Variants in SUSD1 observed in about 807,000 individuals in gnomAD.
The protein encoded by SUSD1 is sushi domain-containing protein 1.
SUSD1 carries 65 observed loss-of-function variants against 86.9 expected under a neutral mutation model. The ratio of observed to expected loss-of-function variants is 0.75; its 90% confidence interval spans 0.61 to 0.92. The LOEUF (loss-of-function observed/expected upper bound fraction) is 0.92. Among genes scored for constraint, SUSD1 ranks in the 40% least tolerant of loss-of-function variants. The probability of loss-of-function intolerance (pLI) is 0.00; values close to 1 mark genes in which losing one functional copy is unlikely to be tolerated. For synonymous variants in SUSD1, 346 were observed against 350.0 expected, an observed-to-expected ratio of 0.99 and a Z score of 0.13; for missense variants, 850 against 929.7, an observed-to-expected ratio of 0.91 and a Z score of 1.11.
At position 112,143,543 on chromosome 9, in the gene SUSD1, A is replaced by G; in HGVS notation, c.454T>C (p.Cys152Arg). Residue 152 changes from cysteine (C) to arginine (R), a missense_variant, in exon 4 of 17, where the codon TGT becomes CGT. Coordinates refer to ENST00000374270, the MANE Select transcript of SUSD1 (RefSeq NM_022486.5). ...TTCCTTGGCAAGTATCCATCCATAC[A>G]GTAGCATTCAAAGCTCCCATGAGTG... ...VNTHGSFECY[C>R]MDGYLPRNGP... is the part of the protein sequence containing the mutation. 3 of 1,614,198 alleles carry G rather than the reference A, an allele frequency of 1.9e-6. No homozygotes were observed. Among genetic ancestry groups the G allele is most frequent in the South Asian group, 1.1e-5 (1 of 91,066 alleles).
At chr9:112,042,371 C>T (rs1405153246) in intron 15 of SUSD1, among the ~76,000 whole-genome samples, 1 of 152,132 alleles carries the variant, frequency 6.6e-6, no homozygotes, top group Non-Finnish European at 1.5e-5. Context: ...GTTTCCAAAA[C>T]TGATAGCCCT....
intron 11 of SUSD1, among the ~76,000 whole-genome samples, chr9:112,079,137 C>CCT (rs372661148): frequency 0.05 from 7,501 of 149,978 alleles, 246 homozygotes; most frequent in Middle Eastern, 0.083. Flanking sequence ...GAGCTTTCTT[C>CCT]CTCTCTCTCT....
At chr9:112,085,449 C>T (rs1006975990) in intron 10 of SUSD1, among the ~76,000 whole-genome samples, 1 of 152,150 alleles carries the variant, frequency 6.6e-6, no homozygotes, top group Non-Finnish European at 1.5e-5. Flanking sequence ...TTCCCATGTT[C>T]ACAGTTAAGG....
rs1247947602 is a variant in SUSD1, at chr9:112,133,580, AGACTT to A, written c.706+8735_706+8739del. 3.3e-5 allele frequency among the ~76,000 whole-genome samples: 5 copies of A among 152,382 alleles called. No individual in the cohort carries two copies. The East Asian group carries it at 7.7e-4, about 23-fold the overall frequency. Reference sequence around the variant, plus strand: ...TAAAAATTAATTCAAGATAGATTAAAGACTTGAATATAAGACCACAAACTGTAAGA... The same window carrying A: ...TAAAAATTAATTCAAGATAGATTAAAGAATATAAGACCACAAACTGTAAGA... On this transcript the variant is annotated intron_variant, in intron 5 of 16. Coordinates refer to ENST00000374270, the MANE Select transcript of SUSD1 (RefSeq NM_022486.5).
chr9:112,085,557 A>T (rs1379400335), intron 10 of SUSD1, among the ~76,000 whole-genome samples: 7 of 152,200 alleles, frequency 4.6e-5, no homozygotes, highest in Admixed American at 4.6e-4. Flanking sequence ...ACTCCAGAGG[A>T]ACTGTGCCAA....
chr9:112,058,579 A>G lies in SUSD1; in HGVS notation c.1958T>C (p.Val653Ala). 1 of 1,614,136 alleles carries G rather than the reference A, an allele frequency of 6.2e-7. No individual in the cohort carries two copies. Among genetic ancestry groups the G allele is most frequent in the South Asian group, 1.1e-5 (1 of 91,086 alleles). The change falls in exon 14 of 17, where the codon GTG becomes GCG. Residue 653 changes from valine (V) to alanine (A), a missense_variant. Coordinates refer to ENST00000374270, the MANE Select transcript of SUSD1 (RefSeq NM_022486.5). ...FSNASDADGY[V>A]AAELLAKDVP... ...ATCTTTGGCCAGTAGTTCTGCAGCC[A>G]CGTATCCATCAGCATCAGAGGCGTT...
intron 13 of SUSD1, among the ~76,000 whole-genome samples, chr9:112,059,411 C>T (rs561267376): frequency 2.0e-5 from 3 of 152,288 alleles, no homozygotes; most frequent in South Asian, 2.1e-4. Context: ...ACATGGAGAC[C>T]GAGTGCCTAC....
At chr9:112,165,958 AAAG>A (rs1416312072) in intron 1 of SUSD1, among the ~76,000 whole-genome samples, 1 of 143,246 alleles carries the variant, frequency 7.0e-6, no homozygotes, top group Non-Finnish European at 1.5e-5. Context: ...AGAAAGAAAG[AAAG>A]AAAGAAAGAA....
intron 2 of SUSD1, among the ~76,000 whole-genome samples, chr9:112,153,133 G>T (rs1198270571): frequency 6.6e-6 from 1 of 151,788 alleles, no homozygotes; most frequent in Non-Finnish European, 1.5e-5. Flanking sequence ...CTGATGTGGT[G>T]GTTTGCCTCT....
At chr9:112,147,764 G>T (rs147134164) in intron 3 of SUSD1, among the ~76,000 whole-genome samples, 2 of 152,248 alleles carry the variant, frequency 1.3e-5, no homozygotes, top group Non-Finnish European at 2.9e-5. Context: ...GCGAGACTCC[G>T]TCTCAAAAAG....
chr9:112,067,947 A>T (rs1426837326), intron 12 of SUSD1, among the ~76,000 whole-genome samples: 1 of 152,146 alleles, frequency 6.6e-6, no homozygotes, highest in Non-Finnish European at 1.5e-5. Context: ...AATTATAATA[A>T]ATAAAAACTT....
chr9:112,114,004 T>C (rs1831208205), intron 6 of SUSD1, among the ~76,000 whole-genome samples: 2 of 152,086 alleles, frequency 1.3e-5, no homozygotes, highest in Admixed American at 6.6e-5. Context: ...AATGATACAA[T>C]CTTATATACT....
At chr9:112,165,942 G>GAAGAAAGAAAGAAAGA (rs10525522) in intron 1 of SUSD1, among the ~76,000 whole-genome samples, 3,552 of 71,786 alleles carry the variant, frequency 0.049, 192 homozygotes, top group East Asian at 0.076. Context: ...AAGAAAGAAA[G>GAAGAAAGAAAGAAAGA]AAGAAAGAAA....
chr9:112,142,225 A>T, intron 5 of SUSD1, 95 bp downstream of exon 5: 1 of 1,049,242 alleles, frequency 9.5e-7, no homozygotes. Context: ...AGGTTTACTT[A>T]ACTCATTTAT....
At chr9:112,121,653 G>A (rs781780063) in intron 6 of SUSD1, among the ~76,000 whole-genome samples, 4 of 152,166 alleles carry the variant, frequency 2.6e-5, no homozygotes, top group East Asian at 1.9e-4. Flanking sequence ...CAGAATTTCC[G>A]ATGGAAAATG....
At chr9:112,066,003 T>C (rs1362977856) in intron 12 of SUSD1, among the ~76,000 whole-genome samples, 1 of 152,236 alleles carries the variant, frequency 6.6e-6, no homozygotes, top group Non-Finnish European at 1.5e-5. Context: ...CAGCTCTGCG[T>C]GACAATCATC....
intron 10 of SUSD1, among the ~76,000 whole-genome samples, chr9:112,081,397 A>G (rs765400254): frequency 3.3e-5 from 5 of 152,194 alleles, no homozygotes; most frequent in Admixed American, 6.5e-5. Flanking sequence ...CTGTACCTCA[A>G]ATGTTGCAAC....
In SUSD1 at chr9:112,115,566, C is replaced by T. The variant is rs561589702; in HGVS notation, c.887-2698G>A. ...TCACGCCTGTAATCCTAGCACTTTG[C>T]GGGGCTGAGATGGGCATATCACTTG... is the stretch of plus-strand genomic sequence containing the variant. On this transcript the variant is annotated intron_variant, in intron 6 of 16. Transcript: ENST00000374270. 1.8e-4 allele frequency among the ~76,000 whole-genome samples: 27 copies of T among 152,046 alleles called. No homozygotes were observed. In the South Asian group the frequency reaches 2.7e-3, roughly 15 times the overall value.
At chr9:112,094,049 T>G (rs1275914304) in intron 10 of SUSD1, among the ~76,000 whole-genome samples, 1 of 152,172 alleles carries the variant, frequency 6.6e-6, no homozygotes, top group Non-Finnish European at 1.5e-5. Context: ...AAATGTGGAC[T>G]GACAATATCA....
Sources: allele counts gnomAD v4.1 joint callset (sites outside exome capture counted in the v4.1 genomes callset), GRCh38; gene constraint gnomAD v4.1.1; transcripts MANE v1.5; gene names NCBI Gene and HGNC (gene_info 2026-07-23, HGNC 2026-07-21).